Variants in ENY2 observed in about 807,000 individuals in gnomAD.
The protein encoded by ENY2 is ENY2 transcription and export complex 2 subunit, also known as transcription and mRNA export factor ENY2.
ENY2 carries 4 observed loss-of-function variants against 15.9 expected under a neutral mutation model. The ratio of observed to expected loss-of-function variants is 0.25; its 90% CI spans 0.12 to 0.57. The LOEUF (loss-of-function observed/expected upper bound fraction) is 0.57, where lower values mean the gene tolerates loss of function less well. ENY2 is among the 20% of genes least tolerant of loss of function. The pLI, the probability that ENY2 is intolerant of heterozygous loss-of-function variation, is 0.91. For missense variants in ENY2, 54 were observed against 117.2 expected (o/e 0.46, Z 2.49); for synonymous variants, 48 against 38.0 (o/e 1.26, Z -0.97).
Position 109,339,398 on chromosome 8 carries a change from G to A in ENY2, c.154+8G>A, listed in dbSNP as rs1182807137. The A allele has an allele frequency of 6.2e-7, 1 of 1,612,904 alleles. No homozygotes were observed. Among genetic ancestry groups the A allele is most frequent in the South Asian group, 1.1e-5 (1 of 91,022 alleles). On this transcript the variant is annotated splice_region_variant and intron_variant, in intron 3 of 4. Transcript: ENST00000521688. Reference sequence around the variant, plus strand: ...TGAAGGCACACTGTAAAGGTAATCAGTTTCATTTGGAAGATAAACTAATCC... The same window carrying A: ...TGAAGGCACACTGTAAAGGTAATCAATTTCATTTGGAAGATAAACTAATCC...
intron 4 of ENY2, chr8:109,342,868 G>T: frequency 1.1e-5 from 6 of 522,928 alleles, no homozygotes; most frequent in East Asian, 7.1e-5. Flanking sequence ...ATGTAAATGT[G>T]GTTTTAATTT....
Position 109,334,453 on chromosome 8 carries a change from G to C in ENY2, c.-16G>C. 6.2e-7 allele frequency: 1 copy of C among 1,613,876 alleles called. No homozygotes were observed. Among genetic ancestry groups the C allele is most frequent in the African/African-American group, 1.3e-5 (1 of 75,054 alleles). ...GTCATTTCGTCGCTGGGAAGGGACG[G>C]CCCTCGCCCGCGGTGATGGTGGTGA... is the stretch of plus-strand genomic sequence containing the variant. On this transcript the variant is annotated 5_prime_UTR_variant, in exon 1 of 5. Transcript: ENST00000521688.
chr8:109,334,824 C>A, intron 1 of ENY2: 1 of 369,848 alleles, frequency 2.7e-6, no homozygotes, highest in South Asian at 4.3e-5. Flanking sequence ...AGATCAAGTT[C>A]AATATTCCAG....
chr8:109,337,081 T>TTTTTTTTTTTTTTTTTTTTTTTTGAG (rs1250292351), intron 2 of ENY2, among the ~76,000 whole-genome samples: 1 of 151,390 alleles, frequency 6.6e-6, no homozygotes, highest in Non-Finnish European at 1.5e-5. Context: ...TTTAAAGTTT[T>TTTTTTTTTTTTTTTTTTTTTTTTGAG]AAGAAAGGAA....
chr8:109,343,238 C>T (rs958086554), intron 4 of ENY2, among the ~76,000 whole-genome samples, 167 bp from the exon 5 acceptor site: 2 of 151,978 alleles, frequency 1.3e-5, no homozygotes, highest in Non-Finnish European at 2.9e-5. Flanking sequence ...TGATGAATTG[C>T]AAGAAGACAC....
chr8:109,340,431 A>G, intron 3 of ENY2, 58 bp from the exon 4 acceptor site: 2 of 1,600,138 alleles, frequency 1.2e-6, no homozygotes, highest in South Asian at 1.1e-5. Flanking sequence ...CTCTATGAAA[A>G]TCTTTCTTAC....
intron 1 of ENY2, chr8:109,335,882 T>C: frequency 3.4e-6 from 1 of 291,570 alleles, no homozygotes; most frequent in East Asian, 5.8e-5. Flanking sequence ...ATTTTATTAA[T>C]ATAAATATGT....
At chr8:109,339,235 T>C in intron 2 of ENY2, 85 bp from the exon 3 acceptor site, 4 of 1,280,386 alleles carry the variant, frequency 3.1e-6, no homozygotes, top group Non-Finnish European at 4.5e-6. Flanking sequence ...AGGGAATTTT[T>C]AGTTGAACAC....
intron 2 of ENY2, 195 bp from the exon 3 acceptor site, chr8:109,339,125 A>T: frequency 1.7e-6 from 1 of 579,784 alleles, no homozygotes; most frequent in Non-Finnish European, 3.1e-6. Context: ...GACCCAGATG[A>T]AATGAAAGGC....
At position 109,343,736 on chromosome 8, in the gene ENY2, C is replaced by G. The variant is rs1023455448; in HGVS notation, c.*255C>G. 1 of 398,944 alleles carries G rather than the reference C, an allele frequency of 2.5e-6. No individual in the cohort carries two copies. The highest frequency in any genetic ancestry group is 4.3e-5 in the Admixed American group (1 of 23,146). 24.7% of individuals were successfully genotyped at this position (398,944 alleles called of 1,614,324 possible). On this transcript the variant is annotated 3_prime_UTR_variant, in exon 5 of 5. Transcript: ENST00000521688. ...TTACTAATTCACCAAATTTGTTGAG[C>G]GCAAAAGCAATTAATGTAGTTTAAG...
intron 4 of ENY2, 23 bp from the exon 5 acceptor site, chr8:109,343,382 A>G: frequency 6.3e-7 from 1 of 1,587,230 alleles, no homozygotes; most frequent in South Asian, 1.1e-5. Flanking sequence ...TCTTACTCTT[A>G]TTTTTTTATT....
chr8:109,339,001 C>A, intron 2 of ENY2: 1 of 283,450 alleles, frequency 3.5e-6, no homozygotes, highest in South Asian at 6.6e-5. Context: ...GTACAAGACC[C>A]ATGATATTCC....
At chr8:109,336,350 A>T (rs1815985707) in intron 2 of ENY2, 146 bp downstream of exon 2, 1 of 745,270 alleles carries the variant, frequency 1.3e-6, no homozygotes. Flanking sequence ...TGGAAAAAAT[A>T]ATTTAGGTTT....
chr8:109,343,379 C>CT, intron 4 of ENY2, 26 bp from the exon 5 acceptor site: 2 of 1,585,378 alleles, frequency 1.3e-6, no homozygotes, highest in Non-Finnish European at 1.7e-6. Context: ...CCTTCTTACT[C>CT]TTATTTTTTT....
At chr8:109,342,410 A>G (rs1816138094) in intron 4 of ENY2, among the ~76,000 whole-genome samples, 1 of 150,636 alleles carries the variant, frequency 6.6e-6, no homozygotes, top group Non-Finnish European at 1.5e-5. Context: ...GTATACATAT[A>G]TATTTTTACA....
In ENY2 at chr8:109,345,919, CACTT is replaced by C. The variant is rs761132930; in HGVS notation, c.*2440_*2443del. On this transcript the variant is annotated 3_prime_UTR_variant, in exon 5 of 5. Coordinates refer to ENST00000521688, the MANE Select transcript of ENY2 (RefSeq NM_020189.6). ...ATGTTCTCTAGTTTGTATCTAGAATCACTTATATCTTTCAAATAAACCAACTTTG... is the reference window on the plus strand; with the variant it reads ...ATGTTCTCTAGTTTGTATCTAGAATCATATCTTTCAAATAAACCAACTTTG... 2.6e-5 allele frequency: 4 copies of C among 152,124 alleles called. No individual in the cohort carries two copies. The highest frequency in any genetic ancestry group is 4.8e-5 in the African/African-American group (2 of 41,430). 9.4% of individuals were successfully genotyped at this position (152,124 alleles called of 1,614,324 possible).
At position 109,343,800 on chromosome 8, in the gene ENY2, A is replaced by G. The variant is rs1169970044; in HGVS notation, c.*319A>G. The G allele has an allele frequency of 9.7e-6, 2 of 205,514 alleles. No individual in the cohort carries two copies. 12.7% of individuals were successfully genotyped at this position (205,514 alleles called of 1,614,324 possible). The stretch of plus-strand genomic sequence containing the variant: ...CAGTTCTCTGTGTTAACAGCTGAGA[A>G]GTAAGCAACCTTTTCTGACTGCATA... On this transcript the variant is annotated 3_prime_UTR_variant, in exon 5 of 5. Transcript: ENST00000521688.
intron 3 of ENY2, among the ~76,000 whole-genome samples, chr8:109,340,018 G>A (rs943451131): frequency 5.3e-5 from 8 of 152,160 alleles, no homozygotes; most frequent in Non-Finnish European, 8.8e-5. Context: ...AGGTCATATA[G>A]ATTTTCATCA....
In ENY2 at chr8:109,340,484, A is replaced by C; in HGVS notation, c.155-5A>C. On this transcript the variant is annotated splice_region_variant and splice_polypyrimidine_tract_variant and intron_variant, in intron 3 of 4. Coordinates refer to ENST00000521688, the MANE Select transcript of ENY2 (RefSeq NM_020189.6). ...GATATGATTTGTTTTTTGCTTTTGC[A>C]TAAGAGGTAATTAAAGAAAAAGGAC... 6.2e-7 allele frequency: 1 copy of C among 1,612,554 alleles called. No homozygotes were observed. The highest frequency in any genetic ancestry group is 8.5e-7 in the Non-Finnish European group (1 of 1,178,944).
Sources: allele counts gnomAD v4.1 joint callset (sites outside exome capture counted in the v4.1 genomes callset), GRCh38; gene constraint gnomAD v4.1.1; transcripts MANE v1.5; gene names NCBI Gene and HGNC (gene_info 2026-07-23, HGNC 2026-07-21).